SEC14L5: variants seen among roughly 807,000 people sequenced by gnomAD.
The protein encoded by SEC14L5 is SEC14 like lipid binding 5.
SEC14L5 carries 96 observed loss-of-function variants against 84.6 expected under a neutral mutation model. That is an observed-to-expected ratio of 1.13 (90% CI 0.96 to 1.34). SEC14L5 has a LOEUF of 1.34. Among genes scored for constraint, SEC14L5 ranks in the 40% most tolerant of loss-of-function variants. The pLI is 0.00. For missense variants in SEC14L5, 1,224 were observed against 942.5 expected, an observed-to-expected ratio of 1.30 and a Z score of -3.91; for synonymous variants, 546 against 383.4, an observed-to-expected ratio of 1.42 and a Z score of -4.95.
Position 4,995,412 on chromosome 16 carries a change from G to A in SEC14L5, c.668-936G>A, listed in dbSNP as rs1696794399. Among the ~76,000 whole-genome samples the A allele has an allele frequency of 5.3e-5, 8 of 152,280 alleles. No individual in the cohort carries two copies. In the South Asian group the frequency reaches 1.7e-3, roughly 32 times the overall value. On this transcript the variant is annotated intron_variant, in intron 6 of 15. Transcript: ENST00000251170. Reference sequence around the variant, plus strand: ...GTGGGAATGTTCCCTGTGGTTCCCAGGCTGCTAAAGAGAGCATGGCTGTGT... The same window carrying A: ...GTGGGAATGTTCCCTGTGGTTCCCAAGCTGCTAAAGAGAGCATGGCTGTGT...
In SEC14L5 at chr16:5,011,119, G is replaced by C. The variant is rs1026613601; in HGVS notation, c.1825G>C (p.Gly609Arg). Residue 609 changes from glycine (G) to arginine (R), a missense_variant, in exon 15 of 16, where the codon GGC becomes CGC. By Grantham distance (125) the Gly-to-Arg change is moderately radical. Coordinates refer to ENST00000251170, the MANE Select transcript of SEC14L5 (RefSeq NM_014692.2). ...IQGSHVTRWP[G>R]VYLLQWQMHS... Reference sequence around the variant, plus strand: ...GGGCTCCCATGTGACCCGGTGGCCCGGCGTCTACCTGCTCCAGTGGCAAAT... The same window carrying C: ...GGGCTCCCATGTGACCCGGTGGCCCCGCGTCTACCTGCTCCAGTGGCAAAT... The C allele has an allele frequency of 6.2e-7, 1 of 1,607,306 alleles. No homozygotes were observed. Among genetic ancestry groups the C allele is most frequent in the Non-Finnish European group, 8.5e-7 (1 of 1,177,136 alleles).
chr16:5,010,188 C>CAAAAAAAAAA, intron 14 of SEC14L5, among the ~76,000 whole-genome samples: 1 of 43,646 alleles, frequency 2.3e-5, no homozygotes, highest in Non-Finnish European at 3.8e-5. Flanking sequence ...ACTAAAAATA[C>CAAAAAAAAAA]AAAAAAAAAA....
At position 4,996,292 on chromosome 16, in the gene SEC14L5, T is replaced by G. The variant is rs557946563; in HGVS notation, c.668-56T>G. Reference sequence around the variant, plus strand: ...AGTAAGGAATGGCACACAGACCACATGGTAAAGAGACGCAGCGTCTCCCTC... The same window carrying G: ...AGTAAGGAATGGCACACAGACCACAGGGTAAAGAGACGCAGCGTCTCCCTC... On this transcript the variant is annotated intron_variant, in intron 6 of 15. Coordinates refer to ENST00000251170, the MANE Select transcript of SEC14L5 (RefSeq NM_014692.2). 95 of 1,053,542 alleles carry G rather than the reference T, an allele frequency of 9.0e-5. 1 individual carries two copies. The South Asian group carries it at 1.3e-3, about 14-fold the overall frequency. 65.3% of individuals were successfully genotyped at this position (1,053,542 alleles called of 1,614,324 possible).
intron 2 of SEC14L5, among the ~76,000 whole-genome samples, chr16:4,970,087 C>T (rs1444904044): frequency 2.6e-5 from 4 of 152,198 alleles, no homozygotes; most frequent in Non-Finnish European, 4.4e-5. Flanking sequence ...GTTGGGATCA[C>T]AGGCGTGAGC....
At chr16:4,978,414 C>T (rs1324323325) in intron 2 of SEC14L5, among the ~76,000 whole-genome samples, 2 of 9,186 alleles carry the variant, frequency 2.2e-4, no homozygotes, top group African/African-American at 5.4e-4. Context: ...CAGACTCCGT[C>T]TCAAAAAAAA....
chr16:4,968,387 C>A (rs1955233525), intron 2 of SEC14L5, among the ~76,000 whole-genome samples: 1 of 152,194 alleles, frequency 6.6e-6, no homozygotes. Context: ...CCATATTGGT[C>A]AGGCTGGTCT....
At chr16:4,974,124 G>A (rs1955312076) in intron 2 of SEC14L5, among the ~76,000 whole-genome samples, 1 of 152,146 alleles carries the variant, frequency 6.6e-6, no homozygotes, top group Non-Finnish European at 1.5e-5. Flanking sequence ...AGGATACAGG[G>A]CTTCTTTTGA....
At chr16:5,009,261 C>T (rs963402144) in intron 14 of SEC14L5, among the ~76,000 whole-genome samples, 2 of 152,084 alleles carry the variant, frequency 1.3e-5, no homozygotes, top group Admixed American at 6.6e-5. Context: ...ATCTCCCTCC[C>T]CTCTCTCCTG....
At chr16:5,004,121 C>T (rs562077788) in intron 11 of SEC14L5, among the ~76,000 whole-genome samples, 1 of 152,228 alleles carries the variant, frequency 6.6e-6, no homozygotes, top group East Asian at 1.9e-4. Flanking sequence ...TCCAGGGTGG[C>T]TGAGCAAAAA....
intron 11 of SEC14L5, 42 bp downstream of exon 11, chr16:5,003,615 GTGGGAT>G: frequency 4.3e-6 from 3 of 700,252 alleles, no homozygotes; most frequent in East Asian, 4.0e-5. Flanking sequence ...CTGGGGGTGG[GTGGGAT>G]GGGAGGGGTT....
rs562760212 is a variant in SEC14L5 at position 4,988,132 on chromosome 16, C to A, written c.214-17C>A. 47 of 1,613,158 alleles carry A rather than the reference C, an allele frequency of 2.9e-5. No homozygotes were observed. The highest frequency in any genetic ancestry group is 7.7e-5 in the South Asian group (7 of 91,024). On this transcript the variant is annotated splice_polypyrimidine_tract_variant and intron_variant, in intron 3 of 15. Transcript: ENST00000251170. Reference sequence around the variant, plus strand: ...CGCCGCCCACCCACCTCCGCCTCCCCGCCCCTTCCCTTGCAGATCGCAGGT... The same window carrying A: ...CGCCGCCCACCCACCTCCGCCTCCCAGCCCCTTCCCTTGCAGATCGCAGGT...
intron 12 of SEC14L5, among the ~76,000 whole-genome samples, chr16:5,006,397 C>T (rs914704141): frequency 1.3e-5 from 2 of 152,210 alleles, no homozygotes; most frequent in Admixed American, 1.3e-4. Context: ...CCTGCTCATT[C>T]ACTGCAGGGG....
chr16:4,961,266 C>T (rs890320975), intron 2 of SEC14L5, among the ~76,000 whole-genome samples: 7 of 152,054 alleles, frequency 4.6e-5, no homozygotes, highest in Non-Finnish European at 8.8e-5. Flanking sequence ...GAGCGAGACT[C>T]CGTCTCAACA....
intron 15 of SEC14L5, among the ~76,000 whole-genome samples, chr16:5,014,265 G>C (rs1955843731): frequency 6.6e-6 from 1 of 152,226 alleles, no homozygotes; most frequent in Admixed American, 6.5e-5. Context: ...GAAGTTCTTG[G>C]AGGGTGGGCA....
In SEC14L5 at chr16:5,006,058, C is replaced by G. The variant is rs200745350; in HGVS notation, c.1437+10C>G. On this transcript the variant is annotated intron_variant, in intron 12 of 15. Coordinates refer to ENST00000251170, the MANE Select transcript of SEC14L5 (RefSeq NM_014692.2). Reference sequence around the variant, plus strand: ...TGGGGGAGAGAGTGTGGTGAGGCTTCCATGTCCACAGACAGACCTGGGCTT... The same window carrying G: ...TGGGGGAGAGAGTGTGGTGAGGCTTGCATGTCCACAGACAGACCTGGGCTT... 1.2e-6 allele frequency: 2 copies of G among 1,612,996 alleles called. No homozygotes were observed. The highest frequency in any genetic ancestry group is 1.1e-5 in the South Asian group (1 of 90,984).
chr16:4,962,223 A>C (rs539856559), intron 2 of SEC14L5, among the ~76,000 whole-genome samples: 1 of 152,090 alleles, frequency 6.6e-6, no homozygotes, highest in African/African-American at 2.4e-5. Context: ...CAACAGAAAA[A>C]CTATATGAAT....
At chr16:5,005,882 A>C (rs894601114) in intron 11 of SEC14L5, 32 bp from the exon 12 acceptor site, 12 of 1,487,926 alleles carry the variant, frequency 8.1e-6, no homozygotes, top group African/African-American at 7.4e-5. Context: ...AAAAAAAAAA[A>C]CCATCCATCT....
chr16:4,982,567 G>C (rs1955437803), intron 2 of SEC14L5, among the ~76,000 whole-genome samples: 1 of 152,166 alleles, frequency 6.6e-6, no homozygotes, highest in Admixed American at 6.5e-5. Flanking sequence ...CACAGAGCCT[G>C]GGGCTGACCT....
chr16:4,994,645 G>A (rs1403273044), intron 6 of SEC14L5, among the ~76,000 whole-genome samples: 10 of 152,064 alleles, frequency 6.6e-5, no homozygotes, highest in Admixed American at 3.9e-4. Context: ...ATTCTGCACC[G>A]ACTGTGTGTG....
Sources: gnomAD v4.1 joint callset for allele counts (sites outside exome capture counted in the v4.1 genomes callset) on GRCh38, gnomAD v4.1.1 for gene constraint, MANE v1.5 for transcripts, NCBI Gene and HGNC (gene_info 2026-07-23, HGNC 2026-07-21) for gene names.